SPAG16: variants seen among roughly 807,000 people sequenced by gnomAD.
The protein encoded by SPAG16 is sperm-associated antigen 16 protein.
SPAG16 carries 86 observed loss-of-function variants against 80.4 expected under a neutral mutation model. That is an observed-to-expected ratio of 1.07 (90% CI 0.90 to 1.28). The LOEUF (loss-of-function observed/expected upper bound fraction) is 1.28, where lower values mean the gene tolerates loss of function less well. Ranked by LOEUF, SPAG16 falls within the 50% of genes most tolerant of loss-of-function variation. The pLI is 0.00. For synonymous variants in SPAG16, 294 were observed against 265.9 expected (o/e 1.11, Z -1.03); for missense variants, 870 against 765.3 (o/e 1.14, Z -1.61).
intron 9 of SPAG16, among the ~76,000 whole-genome samples, chr2:213,395,793 T>G (rs193134661): frequency 2.0e-5 from 3 of 152,352 alleles, no homozygotes; most frequent in Non-Finnish European, 2.9e-5. Context: ...CAGTTGAGTC[T>G]ACACCACTTT....
chr2:214,410,360 AAAATGC>A lies in SPAG16; in HGVS notation c.*46_*51del. 6.5e-7 allele frequency: 1 copy of A among 1,532,984 alleles called. No individual in the cohort carries two copies. Among genetic ancestry groups the A allele is most frequent in the Admixed American group, 1.8e-5 (1 of 54,328 alleles). The allele number at this position is 1,532,984 out of a possible 1,614,324, so 95.0% of individuals were successfully genotyped here. ...CAGAGGGCATTCCCTTTAAGGCTTG[AAAATGC>A]CTCCTGTAGTCCCAAACCAGCAAAG... On this transcript the variant is annotated 3_prime_UTR_variant, in exon 16 of 16. Transcript: ENST00000331683.
intron 10 of SPAG16, among the ~76,000 whole-genome samples, chr2:213,858,826 G>A (rs1189656785): frequency 6.6e-6 from 1 of 151,936 alleles, no homozygotes; most frequent in African/African-American, 2.4e-5. Flanking sequence ...AAAAGCCTGT[G>A]GAATCAATGA....
intron 6 of SPAG16, among the ~76,000 whole-genome samples, chr2:213,342,824 C>T (rs549605709): frequency 4.6e-5 from 7 of 151,540 alleles, no homozygotes; most frequent in African/African-American, 1.5e-4. Flanking sequence ...AAAGCAGGAC[C>T]GTGATGCCTA....
At chr2:214,403,366 A>G (rs1701821710) in intron 15 of SPAG16, among the ~76,000 whole-genome samples, 1 of 148,628 alleles carries the variant, frequency 6.7e-6, no homozygotes, top group Admixed American at 6.7e-5. Context: ...ATATATATTT[A>G]TACTTATTAA....
chr2:213,888,245 C>T (rs2076642416), intron 11 of SPAG16, among the ~76,000 whole-genome samples: 1 of 151,730 alleles, frequency 6.6e-6, no homozygotes, highest in Non-Finnish European at 1.5e-5. Context: ...AATTATTTAA[C>T]ATTTTATTTT....
chr2:214,151,953 T>G (rs950790803), intron 15 of SPAG16, among the ~76,000 whole-genome samples: 4 of 152,194 alleles, frequency 2.6e-5, no homozygotes, highest in African/African-American at 9.6e-5. Context: ...CTAATAATAT[T>G]TAATGTCTCT....
intron 10 of SPAG16, among the ~76,000 whole-genome samples, chr2:213,695,780 A>G (rs569906490): frequency 6.6e-6 from 1 of 152,206 alleles, no homozygotes; most frequent in African/African-American, 2.4e-5. Context: ...TGTTTCATCA[A>G]TGCACATGCA....
chr2:213,862,758 A>C, intron 11 of SPAG16, 130 bp downstream of exon 11: 2 of 1,003,620 alleles, frequency 2.0e-6, no homozygotes, highest in South Asian at 3.4e-5. Context: ...TGAATTTCAA[A>C]GTGTATAGAC....
chr2:213,980,696 ATGTGTG>A (rs144847368), intron 12 of SPAG16, among the ~76,000 whole-genome samples: 1 of 101,844 alleles, frequency 9.8e-6, no homozygotes, highest in South Asian at 4.4e-4. Context: ...TATAGAATAT[ATGTGTG>A]TGTGTGTGTG....
At chr2:213,513,259 C>G (rs1221836860) in intron 10 of SPAG16, among the ~76,000 whole-genome samples, 2 of 152,176 alleles carry the variant, frequency 1.3e-5, no homozygotes, top group African/African-American at 4.8e-5. Context: ...TCATTCCAAA[C>G]CTAACGTGGT....
At chr2:213,784,678 A>G (rs1212197302) in intron 10 of SPAG16, among the ~76,000 whole-genome samples, 2 of 150,564 alleles carry the variant, frequency 1.3e-5, no homozygotes, top group South Asian at 4.2e-4. Flanking sequence ...CCGTGATAGA[A>G]CTATATGCTG....
chr2:213,400,702 A>G (rs1418067389), intron 9 of SPAG16, among the ~76,000 whole-genome samples: 1 of 152,150 alleles, frequency 6.6e-6, no homozygotes, highest in Non-Finnish European at 1.5e-5. Flanking sequence ...TGCCAGTGGA[A>G]TTTGCACTTA....
chr2:214,349,413 T>C (rs906412623), intron 15 of SPAG16, among the ~76,000 whole-genome samples: 4 of 152,216 alleles, frequency 2.6e-5, no homozygotes, highest in Non-Finnish European at 5.9e-5. Context: ...TTAATCCATG[T>C]TGTTGAAGTT....
At chr2:214,385,160 A>G (rs2126115665) in intron 15 of SPAG16, among the ~76,000 whole-genome samples, 1 of 152,362 alleles carries the variant, frequency 6.6e-6, no homozygotes, top group Admixed American at 6.5e-5. Context: ...TTCAGTACAC[A>G]GTTCAGCCAA....
At chr2:214,174,826 C>T (rs1405300415) in intron 15 of SPAG16, among the ~76,000 whole-genome samples, 2 of 151,674 alleles carry the variant, frequency 1.3e-5, no homozygotes, top group Non-Finnish European at 3.0e-5. Flanking sequence ...ATCACTTTTG[C>T]ACGAATCTAA....
intron 15 of SPAG16, among the ~76,000 whole-genome samples, chr2:214,399,760 A>G (rs1442852209): frequency 6.6e-6 from 1 of 152,096 alleles, no homozygotes; most frequent in East Asian, 1.9e-4. Flanking sequence ...CTAAACAACA[A>G]AGAAGAATAT....
chr2:213,494,260 C>T (rs2074389208), intron 10 of SPAG16, among the ~76,000 whole-genome samples: 1 of 152,164 alleles, frequency 6.6e-6, no homozygotes, highest in African/African-American at 2.4e-5. Context: ...AAATACTTTC[C>T]ATATGGTGGT....
In SPAG16 at chr2:213,534,336, C is replaced by T. The variant is rs573660838; in HGVS notation, c.1070+44246C>T. Among the ~76,000 whole-genome samples, 14 of 152,034 alleles carry T rather than the reference C, an allele frequency of 9.2e-5. 1 individual carries two copies. The highest frequency in any genetic ancestry group is 2.7e-4 in the African/African-American group (11 of 41,494). On this transcript the variant is annotated intron_variant, in intron 10 of 15. Transcript: ENST00000331683. ...TATGGAAAACTGGTTGGCAATTTCTCGAAAGGTTAAACACACATCTACTTT... is the reference window on the plus strand; with the variant it reads ...TATGGAAAACTGGTTGGCAATTTCTTGAAAGGTTAAACACACATCTACTTT...
At chr2:214,090,349 G>A (rs914084848) in intron 13 of SPAG16, among the ~76,000 whole-genome samples, 5 of 151,558 alleles carry the variant, frequency 3.3e-5, no homozygotes, top group African/African-American at 4.8e-5. Context: ...CAATTTCTTC[G>A]CAAACTCTGA....
Sources: allele counts gnomAD v4.1 joint callset (sites outside exome capture counted in the v4.1 genomes callset), GRCh38; gene constraint gnomAD v4.1.1; transcripts MANE v1.5; gene names NCBI Gene and HGNC (gene_info 2026-07-23, HGNC 2026-07-21).